HECW2: variants seen among roughly 807,000 people sequenced by gnomAD.
HECW2 encodes HECT, C2 and WW domain containing E3 ubiquitin protein ligase 2, also known as E3 ubiquitin-protein ligase HECW2.
HECW2 carries 61 observed loss-of-function variants against 175.2 expected under a neutral mutation model. The observed-to-expected ratio is 0.35, with a 90% CI of 0.28 to 0.43. The LOEUF (loss-of-function observed/expected upper bound fraction) is 0.43. Among genes scored for constraint, HECW2 ranks in the 20% least tolerant of loss-of-function variants. The pLI is 1.00. For missense variants in HECW2, 1,524 were observed against 2,000.5 expected (o/e 0.76, Z 4.54); for synonymous variants, 671 against 731.0 (o/e 0.92, Z 1.32).
chr2:196,588,436 A>G (rs1691064424), intron 1 of HECW2, among the ~76,000 whole-genome samples: 1 of 152,246 alleles, frequency 6.6e-6, no homozygotes, highest in Non-Finnish European at 1.5e-5. Flanking sequence ...TTTTAAGCAA[A>G]AGAATTATAT....
rs527608164 is a variant in HECW2, at chr2:196,570,062, T to C, written c.-36+23446A>G. 2.4e-4 allele frequency among the ~76,000 whole-genome samples: 36 copies of C among 152,324 alleles called. No homozygotes were observed. In the South Asian group the frequency reaches 6.8e-3, roughly 29 times the overall value. ...CTGAAAATAAAAGACACAAGAGATA[T>C]CCAAATGCATTTTCAGAAGGCGGCA... On this transcript the variant is annotated intron_variant, in intron 1 of 28. Coordinates refer to ENST00000644978, the MANE Select transcript of HECW2 (RefSeq NM_001348768.2).
At chr2:196,212,310 A>C (rs1002820764) in intron 28 of HECW2, among the ~76,000 whole-genome samples, 1 of 152,070 alleles carries the variant, frequency 6.6e-6, no homozygotes, top group Non-Finnish European at 1.5e-5. Context: ...TATTAAGCCT[A>C]GTACCCATTA....
At chr2:196,520,708 T>C (rs1688331931) in intron 1 of HECW2, among the ~76,000 whole-genome samples, 1 of 152,202 alleles carries the variant, frequency 6.6e-6, no homozygotes, top group South Asian at 2.1e-4. Context: ...TGTAACACAA[T>C]ACTCAAAACA....
intron 21 of HECW2, 71 bp from the exon 22 acceptor site, chr2:196,228,325 G>T (rs1279018822): frequency 7.1e-7 from 1 of 1,415,988 alleles, no homozygotes; most frequent in Non-Finnish European, 9.6e-7. Context: ...TTTCTCCAGA[G>T]CTCAAGTTTC....
intron 15 of HECW2, among the ~76,000 whole-genome samples, chr2:196,274,859 G>A (rs1689883127): frequency 6.6e-6 from 1 of 152,120 alleles, no homozygotes; most frequent in Non-Finnish European, 1.5e-5. Context: ...AAACTCTAAT[G>A]TTGTTTTTGC....
At chr2:196,565,570 A>G (rs1690159099) in intron 1 of HECW2, among the ~76,000 whole-genome samples, 1 of 152,204 alleles carries the variant, frequency 6.6e-6, no homozygotes, top group South Asian at 2.1e-4. Context: ...ATTAACCACC[A>G]ATTTCACAAA....
At chr2:196,582,413 G>C (rs1012877395) in intron 1 of HECW2, among the ~76,000 whole-genome samples, 4 of 152,174 alleles carry the variant, frequency 2.6e-5, no homozygotes, top group African/African-American at 7.2e-5. Flanking sequence ...ATGCCAAGTA[G>C]TTTCTGTTTC....
chr2:196,545,393 G>C (rs1389579483), intron 1 of HECW2, among the ~76,000 whole-genome samples: 1 of 152,152 alleles, frequency 6.6e-6, no homozygotes, highest in East Asian at 1.9e-4. Context: ...TGAAAACAAA[G>C]CCCAACGGGA....
chr2:196,577,440 A>C (rs1406654404), intron 1 of HECW2, among the ~76,000 whole-genome samples: 1 of 152,142 alleles, frequency 6.6e-6, no homozygotes, highest in Admixed American at 6.5e-5. Flanking sequence ...AAGAAAAAGG[A>C]TCTATTAGAC....
intron 1 of HECW2, among the ~76,000 whole-genome samples, chr2:196,565,278 T>C (rs1373074744): frequency 6.6e-6 from 1 of 152,150 alleles, no homozygotes; most frequent in Non-Finnish European, 1.5e-5. Flanking sequence ...TCAATCTAAA[T>C]TTGGGGAATT....
chr2:196,370,037 G>A (rs1693862486), intron 2 of HECW2, among the ~76,000 whole-genome samples: 1 of 151,964 alleles, frequency 6.6e-6, no homozygotes, highest in African/African-American at 2.4e-5. Flanking sequence ...TGGTACCTAA[G>A]CAGTAAGACA....
intron 1 of HECW2, 114 bp from the exon 2 acceptor site, chr2:196,433,572 C>A (rs1293533987): frequency 4.1e-6 from 3 of 733,460 alleles, no homozygotes; most frequent in Non-Finnish European, 6.6e-6. Context: ...ATGCAATAAT[C>A]TTCTGTTGTC....
intron 1 of HECW2, among the ~76,000 whole-genome samples, chr2:196,538,217 T>C (rs78867967): frequency 0.012 from 1,832 of 152,330 alleles, 39 homozygotes; most frequent in African/African-American, 0.042. Context: ...CCACTTTTTC[T>C]GATAAAGACA....
At chr2:196,372,667 G>GA (rs1559073272) in intron 2 of HECW2, among the ~76,000 whole-genome samples, 3 of 152,152 alleles carry the variant, frequency 2.0e-5, no homozygotes, top group African/African-American at 4.8e-5. Flanking sequence ...GTCCCCCTTT[G>GA]AGAAGAGTTA....
At chr2:196,565,424 A>G (rs191871496) in intron 1 of HECW2, among the ~76,000 whole-genome samples, 2 of 152,226 alleles carry the variant, frequency 1.3e-5, no homozygotes, top group African/African-American at 2.4e-5. Context: ...TTAAAAAAAA[A>G]TTTAACTTGA....
intron 19 of HECW2, 26 bp from the exon 20 acceptor site, chr2:196,242,230 A>G (rs1688483713): frequency 6.2e-7 from 1 of 1,613,668 alleles, no homozygotes; most frequent in Admixed American, 1.7e-5. Context: ...AAGAGAGGAC[A>G]ATCTGGATTT....
chr2:196,376,876 G>C (rs1397039316), intron 2 of HECW2, among the ~76,000 whole-genome samples: 1 of 147,580 alleles, frequency 6.8e-6, no homozygotes, highest in Non-Finnish European at 1.5e-5. Context: ...AGGTTGCAGT[G>C]AGCCAAGATC....
intron 3 of HECW2, among the ~76,000 whole-genome samples, chr2:196,336,892 G>A (rs924113807): frequency 1.3e-5 from 2 of 151,584 alleles, no homozygotes; most frequent in Non-Finnish European, 2.9e-5. Flanking sequence ...AAAAGCTGAG[G>A]GGATTTCCAC....
intron 2 of HECW2, among the ~76,000 whole-genome samples, chr2:196,357,248 C>T (rs1488602709): frequency 6.6e-6 from 1 of 151,368 alleles, no homozygotes; most frequent in Non-Finnish European, 1.5e-5. Flanking sequence ...GAGCTATAGC[C>T]GATACAAATA....
Sources: allele counts gnomAD v4.1 joint callset (sites outside exome capture counted in the v4.1 genomes callset), GRCh38; gene constraint gnomAD v4.1.1; transcripts MANE v1.5; gene names NCBI Gene and HGNC (gene_info 2026-07-23, HGNC 2026-07-21).